Variants in LINGO1 observed in about 807,000 individuals in gnomAD.
LINGO1 encodes the protein leucine rich repeat and Ig domain containing 1, also known as leucine-rich repeat and immunoglobulin-like domain-containing nogo receptor-interacting protein 1.
Under a neutral mutation model 37.3 loss-of-function variants are expected in LINGO1, and 11 were observed. The observed-to-expected ratio is 0.29, with a 90% CI of 0.19 to 0.49. The LOEUF is 0.49. LINGO1 is among the 20% of genes least tolerant of loss of function. LINGO1 has a pLI of 0.99. For synonymous variants in LINGO1, 387 were observed against 403.0 expected (o/e 0.96, Z 0.48); for missense variants, 585 against 878.2 (o/e 0.67, Z 4.22).
chr15:77,616,849 T>C (rs1460666730), intron 1 of LINGO1, among the ~76,000 whole-genome samples: 27 of 152,170 alleles, frequency 1.8e-4, no homozygotes, highest in Non-Finnish European at 1.5e-5. Context: ...AGTCCGCTGC[T>C]CTAAGAAGTG....
upstream of LINGO1, among the ~76,000 whole-genome samples, chr15:77,789,278 G>A (rs1030254751): frequency 2.0e-5 from 3 of 152,168 alleles, no homozygotes; most frequent in South Asian, 2.1e-4. Flanking sequence ...GGAGTATGGC[G>A]GCCCCTTAAT....
intron 2 of LINGO1, among the ~76,000 whole-genome samples, chr15:77,729,627 C>A (rs908320513): frequency 2.0e-5 from 3 of 152,200 alleles, no homozygotes; most frequent in Non-Finnish European, 4.4e-5. Flanking sequence ...GATCTGACCT[C>A]CACTCTCCAC....
chr15:77,759,460 TCA>T (rs1216692532), intron 1 of LINGO1, among the ~76,000 whole-genome samples: 8 of 152,170 alleles, frequency 5.3e-5, no homozygotes, highest in African/African-American at 7.2e-5. Context: ...CAAGTTTCTC[TCA>T]GTTTCCCCAC....
chr15:77,622,728 C>T (rs1370090098), intron 1 of LINGO1, among the ~76,000 whole-genome samples: 1 of 152,214 alleles, frequency 6.6e-6, no homozygotes, highest in Admixed American at 6.5e-5. Flanking sequence ...CAGTGGGGCC[C>T]ATCTAGAGAG....
chr15:77,773,115 G>A (rs574447196), intron 1 of LINGO1, among the ~76,000 whole-genome samples: 1 of 152,196 alleles, frequency 6.6e-6, no homozygotes, highest in East Asian at 1.9e-4. Context: ...GGCCAGAGAA[G>A]AGGCTGCCAA....
chr15:77,743,405 G>A (rs1267428052), intron 1 of LINGO1, among the ~76,000 whole-genome samples: 1 of 152,154 alleles, frequency 6.6e-6, no homozygotes, highest in African/African-American at 2.4e-5. Flanking sequence ...GACTAAGAGG[G>A]GCACAGATTC....
chr15:77,640,827 CTCATTCATTCATTCATTCAT>C (rs55914213), intron 3 of LINGO1, among the ~76,000 whole-genome samples: 1 of 150,484 alleles, frequency 6.6e-6, no homozygotes, highest in Non-Finnish European at 1.5e-5. Flanking sequence ...CATTCATCTC[CTCATTCATTCATTCATTCAT>C]TCATTCATTC....
intron 2 of LINGO1, among the ~76,000 whole-genome samples, chr15:77,677,509 G>C (rs2075347797): frequency 6.6e-6 from 1 of 152,068 alleles, no homozygotes; most frequent in Non-Finnish European, 1.5e-5. Context: ...CACGTGCACA[G>C]ATACACAGAT....
At chr15:77,797,392 G>A (rs1050713239) in intron 1 of LINGO1, among the ~76,000 whole-genome samples, 8 of 152,154 alleles carry the variant, frequency 5.3e-5, no homozygotes, top group Non-Finnish European at 1.2e-4. Flanking sequence ...TCATAGCTAC[G>A]TGTTTCTCTT....
intron 1 of LINGO1, among the ~76,000 whole-genome samples, chr15:77,622,064 G>C (rs913904597): frequency 6.6e-6 from 1 of 152,198 alleles, no homozygotes; most frequent in Non-Finnish European, 1.5e-5. Context: ...CTTGATGCCC[G>C]CCGTGCCCGT....
chr15:77,699,627 C>CACATACTAACCATCTGCACACAG (rs2075748659), upstream of LINGO1, among the ~76,000 whole-genome samples: 1 of 2,228 alleles, frequency 4.5e-4, no homozygotes, highest in African/African-American at 1.7e-3. Flanking sequence ...TCTGCACAAA[C>CACATACTAACCATCTGCACACAG]TAAACACATA....
Position 77,614,075 on chromosome 15 carries a change from G to C in LINGO1, c.1832C>G (p.Ala611Gly). The C allele has an allele frequency of 6.2e-7, 1 of 1,608,690 alleles. No homozygotes were observed. Among genetic ancestry groups the C allele is most frequent in the Non-Finnish European group, 8.5e-7 (1 of 1,177,344 alleles). The change falls in exon 2 of 2, where the codon GCG (alanine) becomes GGG (glycine). Residue 611 changes from alanine (A) to glycine (G), a missense_variant. Around this residue, in one of 4 missense-constraint regions of LINGO1, gnomAD observed 34 missense variants for 62.0 expected, o/e 0.55. Coordinates refer to ENST00000355300, the MANE Select transcript of LINGO1 (RefSeq NM_032808.7). ...CATCTTCATGTTGAACTTGCGGGGCGCGTCGGCGGAGCTGATGCCTGCGTC... is the reference window on the plus strand; with the variant it reads ...CATCTTCATGTTGAACTTGCGGGGCCCGTCGGCGGAGCTGATGCCTGCGTC... ...KSDAGISSAD[A>G]PRKFNMKMI
chr15:77,765,916 C>T (rs910686822), intron 1 of LINGO1, among the ~76,000 whole-genome samples: 3 of 152,142 alleles, frequency 2.0e-5, no homozygotes, highest in African/African-American at 7.2e-5. Context: ...GCACCCCACT[C>T]CTAAATAGAA....
At chr15:77,736,323 G>C (rs2076203583) in intron 1 of LINGO1, among the ~76,000 whole-genome samples, 1 of 152,168 alleles carries the variant, frequency 6.6e-6, no homozygotes, top group Non-Finnish European at 1.5e-5. Flanking sequence ...ACCTTTCCCT[G>C]TCCATACATA....
intron 1 of LINGO1, among the ~76,000 whole-genome samples, chr15:77,802,038 C>T (rs1367212442): frequency 1.3e-5 from 2 of 152,110 alleles, no homozygotes; most frequent in Non-Finnish European, 2.9e-5. Flanking sequence ...GGCTTCAAGG[C>T]TCCAGTGCTG....
rs1392416461 is a variant in LINGO1 at position 77,614,738 on chromosome 15, T to C, written c.1169A>G (p.Asn390Ser). 2.5e-6 allele frequency: 4 copies of C among 1,607,140 alleles called. No homozygotes were observed. The African/African-American group carries it at 5.3e-5, about 21-fold the overall frequency. The change falls in exon 2 of 2, where the codon AAC becomes AGC. Residue 390 changes from asparagine to serine, a missense_variant. By Grantham distance (46) the Asn-to-Ser change is conservative. Coordinates refer to ENST00000355300, the MANE Select transcript of LINGO1 (RefSeq NM_032808.7). ...CGTGGCGCACGTGGGCTGCTGCCGG[T>C]TGAAGTTGAGCCGCCAGCGGCGCCG... Reference protein sequence around the residue: ...VFRRRWRLNFNRQQPTCATPE... With the variant: ...VFRRRWRLNFSRQQPTCATPE...
intron 3 of LINGO1, among the ~76,000 whole-genome samples, chr15:77,669,631 G>T (rs1291146747): frequency 6.6e-6 from 1 of 152,208 alleles, no homozygotes; most frequent in Non-Finnish European, 1.5e-5. Context: ...TGCTCCCAGG[G>T]TCAGGAGCCT....
At chr15:77,763,061 G>A (rs1429693135) in intron 1 of LINGO1, among the ~76,000 whole-genome samples, 3 of 151,932 alleles carry the variant, frequency 2.0e-5, no homozygotes, top group South Asian at 2.1e-4. Flanking sequence ...CCCCGCCCTC[G>A]CCCGGCTGGT....
upstream of LINGO1, among the ~76,000 whole-genome samples, chr15:77,787,424 G>T (rs1168133996): frequency 6.6e-6 from 1 of 152,116 alleles, no homozygotes; most frequent in East Asian, 1.9e-4. Flanking sequence ...GAGCCAAGCA[G>T]GACAAGAAAC....
Sources: gnomAD v4.1 joint callset for allele counts (sites outside exome capture counted in the v4.1 genomes callset) on GRCh38, gnomAD v4.1.1 for gene constraint, gnomAD v4.1.1 regional missense constraint, MANE v1.5 for transcripts, NCBI Gene and HGNC (gene_info 2026-07-23, HGNC 2026-07-21) for gene names.